The following CEP83 variants were observed in gnomAD, a reference collection of about 807,000 sequenced individuals.
CEP83 encodes the protein centrosomal protein of 83 kDa.
A neutral mutation model predicts 101.9 loss-of-function variants in CEP83; 70 were observed. The observed-to-expected ratio is 0.69, with a 90% CI of 0.57 to 0.84. The LOEUF is 0.84. CEP83 is among the 40% of genes least tolerant of loss of function. The pLI is 0.00. For synonymous variants in CEP83, 264 were observed against 267.9 expected (o/e 0.99, Z 0.14); for missense variants, 715 against 787.2 (o/e 0.91, Z 1.10).
intron 4 of CEP83, among the ~76,000 whole-genome samples, chr12:94,411,470 T>A (rs905100967): frequency 1.3e-5 from 2 of 152,164 alleles, no homozygotes; most frequent in Non-Finnish European, 2.9e-5. Flanking sequence ...TATATCAGAA[T>A]AGGCAATATA....
intron 14 of CEP83, among the ~76,000 whole-genome samples, chr12:94,324,727 A>AT (rs951497078): frequency 5.9e-5 from 9 of 152,118 alleles, no homozygotes; most frequent in African/African-American, 1.9e-4. Flanking sequence ...TTGTTATTGT[A>AT]TTTTTTTAGT....
chr12:94,454,081 G>A (rs938118264), intron 1 of CEP83, among the ~76,000 whole-genome samples: 4 of 147,420 alleles, frequency 2.7e-5, no homozygotes, highest in African/African-American at 1.0e-4. Flanking sequence ...TGCTGACAGA[G>A]TAAGACTATG....
At chr12:94,331,289 GAAAAAA>G (rs568464808) in intron 14 of CEP83, among the ~76,000 whole-genome samples, 1 of 43,806 alleles carries the variant, frequency 2.3e-5, no homozygotes, top group Admixed American at 4.0e-4. Context: ...CAGACTCTCA[GAAAAAA>G]AAAAAAAAAA....
At chr12:94,413,853 C>A (rs1290319523) in intron 2 of CEP83, among the ~76,000 whole-genome samples, 1 of 151,624 alleles carries the variant, frequency 6.6e-6, no homozygotes, top group Non-Finnish European at 1.5e-5. Flanking sequence ...CACACACACA[C>A]ACACACACAC....
At chr12:94,428,450 A>C (rs1054900988) in intron 2 of CEP83, among the ~76,000 whole-genome samples, 6 of 152,260 alleles carry the variant, frequency 3.9e-5, no homozygotes, top group African/African-American at 1.4e-4. Flanking sequence ...ATGCAACAGC[A>C]TATCCTGAAA....
At chr12:94,437,746 A>T (rs2066101887) in intron 1 of CEP83, among the ~76,000 whole-genome samples, 1 of 152,238 alleles carries the variant, frequency 6.6e-6, no homozygotes, top group Non-Finnish European at 1.5e-5. Flanking sequence ...TGACTCTTGA[A>T]ACAATCTCAA....
intron 6 of CEP83, among the ~76,000 whole-genome samples, chr12:94,397,777 A>C (rs2137519404): frequency 6.6e-6 from 1 of 152,392 alleles, no homozygotes; most frequent in East Asian, 1.9e-4. Flanking sequence ...TCTTCGTTTT[A>C]GGCTAGAAAT....
At chr12:94,443,463 C>G (rs1260844964) in intron 1 of CEP83, among the ~76,000 whole-genome samples, 1 of 152,034 alleles carries the variant, frequency 6.6e-6, no homozygotes, top group East Asian at 1.9e-4. Context: ...TCCTGCCTTC[C>G]TTGTGCTTGC....
At chr12:94,419,297 A>T (rs540319650) in intron 2 of CEP83, among the ~76,000 whole-genome samples, 26 of 152,246 alleles carry the variant, frequency 1.7e-4, no homozygotes, top group African/African-American at 6.3e-4. Context: ...TCAAAAACCT[A>T]GGTAAAAAGA....
At chr12:94,320,472 G>A (rs533371986) in intron 14 of CEP83, among the ~76,000 whole-genome samples, 1 of 151,854 alleles carries the variant, frequency 6.6e-6, no homozygotes, top group South Asian at 2.1e-4. Context: ...TGTATTGGCT[G>A]GTAACCATCT....
chr12:94,372,114 C>T (rs1024914643), intron 8 of CEP83, among the ~76,000 whole-genome samples: 2 of 152,126 alleles, frequency 1.3e-5, no homozygotes, highest in African/African-American at 4.8e-5. Flanking sequence ...GCTAGGATTA[C>T]AGGCATGCAC....
rs144035226 is a variant in CEP83, at chr12:94,386,555, A to T, written c.550-7513T>A. Among the ~76,000 whole-genome samples, 437 of 150,344 alleles carry T rather than the reference A, an allele frequency of 2.9e-3. 3 individuals carry two copies. Among genetic ancestry groups the T allele is most frequent in the Non-Finnish European group, 4.6e-3 (311 of 67,536 alleles). On this transcript the variant is annotated intron_variant, in intron 6 of 16. Transcript: ENST00000397809. ...TTTATCTCTGCACAGTGGCCTGGAA[A>T]CTCTCCAGAACCTAAGATGGGGCAA...
chr12:94,385,667 T>C (rs1355330451), intron 6 of CEP83, among the ~76,000 whole-genome samples: 1 of 152,172 alleles, frequency 6.6e-6, no homozygotes, highest in East Asian at 1.9e-4. Flanking sequence ...TGCCCAGTCA[T>C]TTCTGATTGG....
intron 15 of CEP83, chr12:94,312,497 G>A (rs1433998289): frequency 1.4e-6 from 1 of 698,262 alleles, no homozygotes; most frequent in African/African-American, 1.9e-5. Context: ...CTGATTATCA[G>A]ATGTGCTTGA....
intron 1 of CEP83, among the ~76,000 whole-genome samples, chr12:94,449,543 C>G (rs1279924842): frequency 6.6e-6 from 1 of 150,792 alleles, no homozygotes; most frequent in East Asian, 1.9e-4. Context: ...ATCGCTTGAG[C>G]CAAGGAGTTC....
rs1249511650 is a variant in CEP83, at chr12:94,415,648, T to C, written c.-101-3057A>G. ...ATAAAGGTTAAATACACCAGAAAGA[T>C]GTGACAATTTTAAATTTACATGCAC... On this transcript the variant is annotated intron_variant, in intron 2 of 16. Coordinates refer to ENST00000397809, the MANE Select transcript of CEP83 (RefSeq NM_016122.3). Among the ~76,000 whole-genome samples, 3 of 151,854 alleles carry C rather than the reference T, an allele frequency of 2.0e-5. No homozygotes were observed. The East Asian group carries it at 5.8e-4, about 29-fold the overall frequency.
the CEP83 span, chr12:94,279,726 C>T: frequency 2.6e-5 from 32 of 1,225,222 alleles, 1 homozygote; most frequent in South Asian, 3.6e-4. Flanking sequence ...CCCTGTCCCC[C>T]CTCCCTGCCC....
intron 6 of CEP83, among the ~76,000 whole-genome samples, chr12:94,385,670 C>G (rs1198242103): frequency 1.3e-5 from 2 of 152,098 alleles, no homozygotes; most frequent in Non-Finnish European, 2.9e-5. Context: ...CCAGTCATTT[C>G]TGATTGGATG....
At chr12:94,425,404 TGCAAG>T (rs1245119023) in intron 2 of CEP83, among the ~76,000 whole-genome samples, 1 of 152,174 alleles carries the variant, frequency 6.6e-6, no homozygotes, top group African/African-American at 2.4e-5. Flanking sequence ...ACCACCTCAT[TGCAAG>T]ATCCAATCAG....
Sources: gnomAD v4.1 joint callset for allele counts (sites outside exome capture counted in the v4.1 genomes callset) on GRCh38, gnomAD v4.1.1 for gene constraint, MANE v1.5 for transcripts, NCBI Gene and HGNC (gene_info 2026-07-23, HGNC 2026-07-21) for gene names.